PADI2: variants seen among roughly 807,000 people sequenced by gnomAD.
The protein encoded by PADI2 is protein-arginine deiminase type-2.
In PADI2, 70 loss-of-function variants were observed where a neutral mutation model predicts 81.1. That is an observed-to-expected ratio of 0.86 (90% CI 0.71 to 1.05). The LOEUF (loss-of-function observed/expected upper bound fraction) is 1.05. PADI2 is among the 50% of genes least tolerant of loss of function. PADI2 has a pLI of 0.00. For synonymous variants in PADI2, 338 were observed against 358.0 expected (o/e 0.94, Z 0.63); for missense variants, 853 against 889.9 (o/e 0.96, Z 0.53).
chr1:17,108,908 G>A (rs1931476386), intron 1 of PADI2, among the ~76,000 whole-genome samples: 4 of 152,256 alleles, frequency 2.6e-5, no homozygotes, highest in Non-Finnish European at 5.9e-5. Context: ...GGTCTGGGAA[G>A]CATTCCTCTC....
intron 8 of PADI2, 49 bp from the exon 9 acceptor site, chr1:17,083,886 G>A: frequency 2.7e-6 from 3 of 1,102,560 alleles, no homozygotes; most frequent in Non-Finnish European, 4.2e-6. Context: ...GGTGAGGAGG[G>A]GCCAGAGTCA....
At chr1:17,091,379 A>G (rs757554151) in intron 6 of PADI2, among the ~76,000 whole-genome samples, 6 of 151,352 alleles carry the variant, frequency 4.0e-5, no homozygotes, top group Non-Finnish European at 8.8e-5. Flanking sequence ...TTGCTGAGGG[A>G]GTTTTTAAAA....
Position 17,083,741 on chromosome 1 carries a change from G to A in PADI2, c.1035C>T (p.Gly345=), listed in dbSNP as rs754502282. The change falls in exon 9 of 16, where the codon GGC becomes GGT. Residue 345 remains glycine (G), a synonymous_variant. Coordinates refer to ENST00000375486, the MANE Select transcript of PADI2 (RefSeq NM_007365.3). ...LKVCFQYLNR[G]DRWIQDEIEF... is the part of the protein sequence containing the mutation. ...GGCTCCTTACCTGGATCCAGCGATC[G>A]CCTCGGTTTAGGTACTGGAAGCAGA... 6.3e-5 allele frequency: 101 copies of A among 1,611,180 alleles called. No homozygotes were observed. Among genetic ancestry groups the A allele is most frequent in the South Asian group, 4.0e-4 (36 of 91,022 alleles).
rs142011882 is a variant in PADI2, at chr1:17,119,034, T to TGTGAAAGGGGTC, written c.92+245_92+246insGACCCCTTTCAC. On this transcript the variant is annotated intron_variant, in intron 1 of 15. Transcript: ENST00000375486. This position sits in a 1 kb window ranked among gnomAD's most constrained non-coding sequence, Gnocchi z 4.8. ...AGGGTTACGGGTGAAAGGGAGGGTC[T>TGTGAAAGGGGTC]GTGAGGGAGCTGGGGCTGAGGCTGT... Among the ~76,000 whole-genome samples the TGTGAAAGGGGTC allele has an allele frequency of 0.053, 8,012 of 151,794 alleles. 692 individuals carry two copies. Among genetic ancestry groups the TGTGAAAGGGGTC allele is most frequent in the African/African-American group, 0.18 (7,441 of 41,270 alleles).
chr1:17,083,775 TCA>T lies in PADI2; in HGVS notation c.999_1000del (p.Cys333Ter). On this transcript the variant is annotated stop_gained and frameshift_variant, in exon 9 of 16. Coordinates refer to ENST00000375486, the MANE Select transcript of PADI2 (RefSeq NM_007365.3). LOFTEE classifies it high-confidence loss of function. ...TAGGTACTGGAAGCAGACCTTCAGC[TCA>T]CAGTTGGTTTTCTCCACAAGGTTCT... 6.2e-7 allele frequency: 1 copy of T among 1,613,906 alleles called. No individual in the cohort carries two copies. The highest frequency in any genetic ancestry group is 8.5e-7 in the Non-Finnish European group (1 of 1,179,816).
intron 8 of PADI2, 31 bp downstream of exon 8, chr1:17,084,568 G>T (rs937232431): frequency 7.0e-7 from 1 of 1,436,856 alleles, no homozygotes; most frequent in Admixed American, 2.0e-5. Flanking sequence ...ACTCTGCCAC[G>T]CTGCCTCTCC....
At chr1:17,110,169 A>G (rs749179042) in intron 1 of PADI2, among the ~76,000 whole-genome samples, 1 of 152,182 alleles carries the variant, frequency 6.6e-6, no homozygotes, top group Non-Finnish European at 1.5e-5. Context: ...TCTCTCTCGC[A>G]GAAACCCGAG....
chr1:17,079,219 C>T (rs1570980948), intron 11 of PADI2, 45 bp downstream of exon 11: 1 of 1,571,560 alleles, frequency 6.4e-7, no homozygotes, highest in East Asian at 2.3e-5. Flanking sequence ...GAAACAGTGA[C>T]TTCCCCACTC....
intron 13 of PADI2, among the ~76,000 whole-genome samples, chr1:17,072,156 G>A (rs546876903): frequency 6.6e-6 from 1 of 152,250 alleles, no homozygotes; most frequent in Non-Finnish European, 1.5e-5. Flanking sequence ...CATCTAGCAA[G>A]CGGCAGAGTT....
Position 17,084,649 on chromosome 1 carries a change from C to T in PADI2, c.888G>A (p.Pro296=), listed in dbSNP as rs753325196. The T allele has an allele frequency of 1.7e-5, 27 of 1,576,226 alleles. No individual in the cohort carries two copies. Among genetic ancestry groups the T allele is most frequent in the East Asian group, 2.4e-5 (1 of 42,344 alleles). Reference sequence around the variant, plus strand: ...GCAGGATGTTGGGGGTCATGATCCACGGAGCAATCCGGAATATCACGGTGT... The same window carrying T: ...GCAGGATGTTGGGGGTCATGATCCATGGAGCAATCCGGAATATCACGGTGT... The part of the protein sequence containing the change: ...FTDTVIFRIA[P]WIMTPNILPP... The change falls in exon 8 of 16, where the codon CCG becomes CCA. Residue 296 remains proline (P), a synonymous_variant. Transcript: ENST00000375486.
chr1:17,097,220 G>A (rs904392629), intron 3 of PADI2, among the ~76,000 whole-genome samples: 2 of 152,204 alleles, frequency 1.3e-5, no homozygotes, highest in Non-Finnish European at 2.9e-5. Flanking sequence ...GTTAGTCCCC[G>A]TGGCAGGCAC....
chr1:17,114,671 A>G (rs993645673), intron 1 of PADI2, among the ~76,000 whole-genome samples: 2 of 143,172 alleles, frequency 1.4e-5, no homozygotes, highest in Non-Finnish European at 2.9e-5. Flanking sequence ...ATGTGATGAA[A>G]CAGAGTTCTC....
intron 9 of PADI2, chr1:17,083,490 G>A (rs1329357862): frequency 6.1e-6 from 3 of 489,440 alleles, no homozygotes; most frequent in Middle Eastern, 5.4e-4. Context: ...CGGGAAGGCC[G>A]TTACTCAGTC....
chr1:17,114,239 C>T (rs1050783728), intron 1 of PADI2, among the ~76,000 whole-genome samples: 1 of 152,222 alleles, frequency 6.6e-6, no homozygotes, highest in African/African-American at 2.4e-5. Context: ...GAGCTCAGCC[C>T]CATGACAGGC....
Position 17,079,281 on chromosome 1 carries a change from G to A in PADI2, c.1293C>T (p.Ile431=), listed in dbSNP as rs769206667. ...GKTYPLGRIL[I]GSSFPLSGGR... Reference sequence around the variant, plus strand: ...TCTCTTACAGAGGAAAGCTGCTCCCGATGAGGATGCGGCCAAGCGGGTATG... The same window carrying A: ...TCTCTTACAGAGGAAAGCTGCTCCCAATGAGGATGCGGCCAAGCGGGTATG... The change falls in exon 11 of 16, where the codon ATC becomes ATT. Residue 431 remains isoleucine (I), a synonymous_variant. Transcript: ENST00000375486. 6.8e-6 allele frequency: 11 copies of A among 1,613,678 alleles called. No homozygotes were observed. The East Asian group carries it at 8.9e-5, about 13-fold the overall frequency.
chr1:17,092,064 C>T (rs1557765958), intron 6 of PADI2, among the ~76,000 whole-genome samples: 1 of 151,968 alleles, frequency 6.6e-6, no homozygotes. Context: ...TCAGAGATGG[C>T]AGAAAATACC....
At chr1:17,112,661 G>T (rs1218607587) in intron 1 of PADI2, among the ~76,000 whole-genome samples, 2 of 152,140 alleles carry the variant, frequency 1.3e-5, no homozygotes, top group African/African-American at 4.8e-5. Context: ...GGCCCTGTGG[G>T]TGGGCAGCTG....
At chr1:17,114,144 C>A (rs569376476) in intron 1 of PADI2, among the ~76,000 whole-genome samples, 1 of 152,228 alleles carries the variant, frequency 6.6e-6, no homozygotes, top group African/African-American at 2.4e-5. Flanking sequence ...CAGGAGCAAG[C>A]GCTGCTCGGG....
chr1:17,114,889 C>A (rs903073582), intron 1 of PADI2, among the ~76,000 whole-genome samples: 1 of 152,094 alleles, frequency 6.6e-6, no homozygotes, highest in African/African-American at 2.4e-5. Context: ...ACAAAGCCAG[C>A]GTGGCCGGAA....
Sources: allele counts gnomAD v4.1 joint callset (sites outside exome capture counted in the v4.1 genomes callset), GRCh38; gene constraint gnomAD v4.1.1; non-coding constraint Gnocchi (gnomAD v3.1); transcripts MANE v1.5; gene names NCBI Gene and HGNC (gene_info 2026-07-23, HGNC 2026-07-21).